SEMA4G: variants seen among roughly 807,000 people sequenced by gnomAD.
The protein encoded by SEMA4G is semaphorin-4G.
A neutral mutation model predicts 81.2 loss-of-function variants in SEMA4G; 59 were observed. That is an observed-to-expected ratio of 0.73 (90% CI 0.59 to 0.90). The LOEUF (loss-of-function observed/expected upper bound fraction) is 0.90, where lower values mean the gene tolerates loss of function less well. SEMA4G is among the 40% of genes least tolerant of loss of function. SEMA4G has a pLI of 0.00. For synonymous variants in SEMA4G, 404 were observed against 433.9 expected, an observed-to-expected ratio of 0.93 and a Z score of 0.86; for missense variants, 952 against 1,102.3, an observed-to-expected ratio of 0.86 and a Z score of 1.93.
intron 3 of SEMA4G, chr10:100,974,870 G>C (rs1046580384): frequency 2.4e-6 from 1 of 411,066 alleles, no homozygotes; most frequent in African/African-American, 2.1e-5. Context: ...TCAACACTTT[G>C]GGAGGCCAAG....
chr10:100,977,510 GTATC>G (rs1376503586), intron 3 of SEMA4G, 118 bp from the exon 5 acceptor site: 15 of 757,598 alleles, frequency 2.0e-5, no homozygotes, highest in Non-Finnish European at 3.1e-5. Flanking sequence ...AGGATCACAG[GTATC>G]TTGGAAAGAA....
exon 14 of SEMA4G, chr10:100,984,528 C>T: frequency 1.3e-6 from 2 of 1,536,196 alleles, no homozygotes; most frequent in Non-Finnish European, 8.7e-7. Flanking sequence ...AATGTCACCA[C>T]CCTCTGCATG....
At chr10:100,983,912 A>ACCCCCACCG (rs773176617) in exon 14 of SEMA4G, 7 of 189,042 alleles carry the variant, frequency 3.7e-5, no homozygotes, top group African/African-American at 7.8e-5. Context: ...CAGCCCCACC[A>ACCCCCACCG]CCCCCACCGC....
At position 100,978,861 on chromosome 10, in the gene SEMA4G, T is replaced by TG; in HGVS notation, c.657dup (p.Phe220ValfsTer15). On this transcript the variant is annotated frameshift_variant, in exon 7 of 14. Transcript: ENST00000370250. LOFTEE classifies it high-confidence loss of function. ...GCCTGACCCACAGATGCGGAGTTTGTGTTCTCCGTCCTCGTGCGGGAGAGC... is the reference window on the plus strand; with the variant it reads ...GCCTGACCCACAGATGCGGAGTTTGTGGTTCTCCGTCCTCGTGCGGGAGAGC... 1 of 1,613,946 alleles carries TG rather than the reference T, an allele frequency of 6.2e-7. No individual in the cohort carries two copies. Among genetic ancestry groups the TG allele is most frequent in the Non-Finnish European group, 8.5e-7 (1 of 1,179,870 alleles).
chr10:100,984,767 CTT>C (rs1564801421), exon 14 of SEMA4G: 2 of 1,536,046 alleles, frequency 1.3e-6, no homozygotes, highest in South Asian at 1.2e-5. Context: ...GTGGTGACCT[CTT>C]TGTCAAGAGC....
rs1274539366 is a variant in SEMA4G at position 100,973,603 on chromosome 10, C to A, written c.330C>A (p.Asn110Lys). 1 of 1,614,078 alleles carries A rather than the reference C, an allele frequency of 6.2e-7. No individual in the cohort carries two copies. The highest frequency in any genetic ancestry group is 1.1e-5 in the South Asian group (1 of 91,070). The change falls in exon 3 of 14, where the codon AAC becomes AAA. Residue 110 changes from asparagine (N) to lysine (K), a missense_variant. Coordinates refer to ENST00000370250, the Ensembl canonical transcript of SEMA4G. This position sits in a 1 kb window ranked among gnomAD's most constrained non-coding sequence, Gnocchi z 5.5. ...GCAAATGTCATCAAAAAGGGAAAAA[C>A]AACCAGGTATGTGGTCTGCCCTGTC... is the stretch of plus-strand genomic sequence containing the variant.
downstream of SEMA4G, chr10:100,985,522 C>G (rs1454629864): frequency 6.5e-6 from 1 of 152,680 alleles, no homozygotes; most frequent in African/African-American, 2.4e-5. Context: ...CCCCCACTTA[C>G]AACCAGGTGG....
At chr10:100,983,243 C>G in intron 13 of SEMA4G, 62 bp from the exon 15 acceptor site, 16 of 1,457,146 alleles carry the variant, frequency 1.1e-5, no homozygotes, top group Non-Finnish European at 1.5e-5. Flanking sequence ...AACAGTCTGG[C>G]TTGCCATCTC....
In SEMA4G at chr10:100,976,224, T is replaced by C. The variant is rs530297730; in HGVS notation, c.337-1408T>C. On this transcript the variant is annotated intron_variant, in intron 3 of 13. Coordinates refer to ENST00000370250, the Ensembl canonical transcript of SEMA4G. Reference sequence around the variant, plus strand: ...TCAAGAGGCTGGCAGCTGAGGGCATTTGACAGGCAGAGAAGACCAGTGTGG... The same window carrying C: ...TCAAGAGGCTGGCAGCTGAGGGCATCTGACAGGCAGAGAAGACCAGTGTGG... Among the ~76,000 whole-genome samples the C allele has an allele frequency of 1.1e-4, 16 of 152,190 alleles. No individual in the cohort carries two copies. In the South Asian group the frequency reaches 3.3e-3, roughly 32 times the overall value.
rs756226933 is a variant in SEMA4G, at chr10:100,979,974, T to C, written c.1110T>C (p.Pro370=). 7 of 1,614,060 alleles carry C rather than the reference T, an allele frequency of 4.3e-6. No homozygotes were observed. In the South Asian group the frequency reaches 7.7e-5, roughly 18 times the overall value. Residue 370 remains proline, a synonymous_variant, in exon 9 of 14, where the codon CCT becomes CCC. Coordinates refer to ENST00000370250, the Ensembl canonical transcript of SEMA4G. ...GGGGTCGCTATGAGGGTGGGGTGCC[T>C]GAGCCCCGGCCTGGCTCGGTGAGTG...
chr10:100,983,933 A>T, exon 14 of SEMA4G: 1 of 664,012 alleles, frequency 1.5e-6, no homozygotes, highest in South Asian at 3.2e-5. Flanking sequence ...CCCCACCGCC[A>T]CCGGCTGAGC....
intron 3 of SEMA4G, among the ~76,000 whole-genome samples, chr10:100,975,932 T>C (rs945225766): frequency 6.6e-6 from 1 of 152,036 alleles, no homozygotes; most frequent in Non-Finnish European, 1.5e-5. Flanking sequence ...AATAAACATC[T>C]TGGGGAAACA....
rs1850968399 is a variant in SEMA4G, at chr10:100,979,771, G to A, written c.984-77G>A. 7 of 1,564,020 alleles carry A rather than the reference G, an allele frequency of 4.5e-6. No individual in the cohort carries two copies. The Admixed American group carries it at 1.0e-4, about 23-fold the overall frequency. ...CTGGGGTTGGCCAGGGTAACAGTGAGCTTCAGGCTGAGCACGAGTTGGGGG... is the reference window on the plus strand; with the variant it reads ...CTGGGGTTGGCCAGGGTAACAGTGAACTTCAGGCTGAGCACGAGTTGGGGG... On this transcript the variant is annotated intron_variant, in intron 8 of 13. Coordinates refer to ENST00000370250, the Ensembl canonical transcript of SEMA4G.
chr10:100,984,539 GC>G (rs1564801111), exon 14 of SEMA4G: 1 of 1,536,012 alleles, frequency 6.5e-7, no homozygotes, highest in East Asian at 2.4e-5. Context: ...CCTCTGCATG[GC>G]CCTGTGTGCT....
chr10:100,980,938 C>A (rs1251127577), exon 12 of SEMA4G: 4 of 1,610,418 alleles, frequency 2.5e-6, no homozygotes, highest in Non-Finnish European at 2.5e-6. Context: ...GTGGCTGGGA[C>A]CCTGGCACCC....
chr10:100,983,636 A>G (rs1589999321), exon 14 of SEMA4G: 1 of 1,613,896 alleles, frequency 6.2e-7, no homozygotes, highest in Non-Finnish European at 8.5e-7. Flanking sequence ...CTGATGTGAG[A>G]CTGCTCTATG....
At position 100,980,113 on chromosome 10, in the gene SEMA4G, C is replaced by T. The variant is rs1416480817; in HGVS notation, c.1129-9C>T. 5.6e-6 allele frequency: 9 copies of T among 1,613,982 alleles called. No homozygotes were observed. In the Admixed American group the frequency reaches 1.5e-4, roughly 27 times the overall value. On this transcript the variant is annotated splice_polypyrimidine_tract_variant and intron_variant, in intron 9 of 13. Transcript: ENST00000370250. ...TCCCGAGGTTCACCACCTTCGTCCCCCACGCCAGTGTATCACAGATTCATT... is the reference window on the plus strand; with the variant it reads ...TCCCGAGGTTCACCACCTTCGTCCCTCACGCCAGTGTATCACAGATTCATT...
chr10:100,981,103 T>C, intron 12 of SEMA4G, 65 bp from the exon 14 acceptor site: 4 of 1,609,116 alleles, frequency 2.5e-6, no homozygotes, highest in African/African-American at 1.3e-5. Context: ...CAGACCTATC[T>C]ACCCTTTCAC....
downstream of SEMA4G, chr10:100,984,844 C>A: frequency 6.6e-7 from 1 of 1,506,626 alleles, no homozygotes; most frequent in Non-Finnish European, 8.9e-7. Context: ...TCCTGTGTGG[C>A]CCTTGTGAAT....
Sources: gnomAD v4.1 joint callset for allele counts (sites outside exome capture counted in the v4.1 genomes callset) on GRCh38, gnomAD v4.1.1 for gene constraint, Gnocchi (gnomAD v3.1) non-coding constraint, MANE v1.5 for transcripts, NCBI Gene and HGNC (gene_info 2026-07-23, HGNC 2026-07-21) for gene names.